Variants in SGCZ observed in about 807,000 individuals in gnomAD.
The protein encoded by SGCZ is sarcoglycan zeta, also known as zeta-sarcoglycan.
Under a neutral mutation model 41.3 loss-of-function variants are expected in SGCZ, and 40 were observed. The observed-to-expected ratio is 0.97, with a 90% CI of 0.75 to 1.26. The LOEUF (loss-of-function observed/expected upper bound fraction) is 1.26. SGCZ is among the 50% of genes most tolerant of loss of function. The pLI is 0.00. For synonymous variants in SGCZ, 206 were observed against 137.5 expected, an observed-to-expected ratio of 1.50 and a Z score of -3.49; for missense variants, 552 against 369.8, an observed-to-expected ratio of 1.49 and a Z score of -4.04.
intron 2 of SGCZ, among the ~76,000 whole-genome samples, chr8:14,518,931 T>C (rs1405535387): frequency 6.7e-6 from 1 of 148,290 alleles, no homozygotes; most frequent in Non-Finnish European, 1.5e-5. Context: ...TAGCCAGGTG[T>C]GGTAGCACAT....
intron 1 of SGCZ, among the ~76,000 whole-genome samples, chr8:14,566,591 G>C (rs1381407235): frequency 6.6e-6 from 1 of 152,232 alleles, no homozygotes; most frequent in South Asian, 2.1e-4. Flanking sequence ...GATGAAAAAG[G>C]AAAAGAGAAA....
At chr8:14,413,424 C>G (rs561206760) in intron 2 of SGCZ, among the ~76,000 whole-genome samples, 3 of 152,006 alleles carry the variant, frequency 2.0e-5, no homozygotes, top group African/African-American at 4.8e-5. Flanking sequence ...TTTCTTCTAT[C>G]TTTGCAAGGA....
At chr8:14,797,901 G>A (rs1296020659) in intron 1 of SGCZ, among the ~76,000 whole-genome samples, 2 of 152,224 alleles carry the variant, frequency 1.3e-5, no homozygotes, top group Admixed American at 6.5e-5. Context: ...CAGTTTACAC[G>A]TGGTGTTGAG....
At chr8:14,239,352 T>G (rs1333350015) in intron 3 of SGCZ, among the ~76,000 whole-genome samples, 1 of 152,008 alleles carries the variant, frequency 6.6e-6, no homozygotes, top group East Asian at 1.9e-4. Context: ...TTAAACACAT[T>G]TGAATATTTG....
At chr8:14,831,673 T>G (rs1802533714) in intron 1 of SGCZ, among the ~76,000 whole-genome samples, 1 of 151,998 alleles carries the variant, frequency 6.6e-6, no homozygotes, top group South Asian at 2.1e-4. Flanking sequence ...TACACTTGTC[T>G]CAGTATACAA....
At chr8:14,612,443 G>A (rs183113093) in intron 1 of SGCZ, among the ~76,000 whole-genome samples, 31 of 152,264 alleles carry the variant, frequency 2.0e-4, no homozygotes, top group Admixed American at 5.9e-4. Flanking sequence ...AAGGAAGTGT[G>A]AGTCAATTAA....
chr8:14,263,324 G>C (rs553369436), intron 3 of SGCZ, among the ~76,000 whole-genome samples: 1 of 152,114 alleles, frequency 6.6e-6, no homozygotes, highest in African/African-American at 2.4e-5. Context: ...TGATTCAGGC[G>C]GATCACTTGA....
At chr8:14,632,010 ATTATT>A (rs903487077) in intron 1 of SGCZ, among the ~76,000 whole-genome samples, 1 of 150,980 alleles carries the variant, frequency 6.6e-6, no homozygotes, top group Non-Finnish European at 1.5e-5. Flanking sequence ...TAGTGCTTAA[ATTATT>A]TTATTTTATT....
In SGCZ at chr8:14,629,805, T is replaced by C. The variant is rs73664414; in HGVS notation, c.40-74879A>G. ...TCATGTTAACTATTAATATGTAAAA[T>C]TGAGATGCTTCATGACTCAAAGAGC... On this transcript the variant is annotated intron_variant, in intron 1 of 7. Transcript: ENST00000382080. 2.4e-3 allele frequency among the ~76,000 whole-genome samples: 359 copies of C among 152,140 alleles called. 2 individuals are homozygous for C. The highest frequency in any genetic ancestry group is 8.1e-3 in the African/African-American group (338 of 41,532).
chr8:14,311,366 G>A (rs899948135), intron 3 of SGCZ, among the ~76,000 whole-genome samples: 9 of 152,102 alleles, frequency 5.9e-5, no homozygotes, highest in Non-Finnish European at 1.0e-4. Flanking sequence ...TTCTGCAGCT[G>A]AAGTACTACC....
chr8:14,838,542 G>C (rs918835638), intron 1 of SGCZ, among the ~76,000 whole-genome samples: 2 of 152,112 alleles, frequency 1.3e-5, no homozygotes, highest in Non-Finnish European at 1.5e-5. Context: ...TGTAGAACCT[G>C]TTGGAATTAC....
chr8:14,221,002 C>T (rs113660358), intron 4 of SGCZ, among the ~76,000 whole-genome samples: 1,264 of 108,806 alleles, frequency 0.012, 17 homozygotes, highest in African/African-American at 0.047. Flanking sequence ...ATTTGGTGTG[C>T]CTAATATAGA....
chr8:14,136,818 T>C (rs1803213542), intron 5 of SGCZ, among the ~76,000 whole-genome samples: 1 of 152,156 alleles, frequency 6.6e-6, no homozygotes, highest in Non-Finnish European at 1.5e-5. Flanking sequence ...ACCATGGAGT[T>C]TGAGATCTGA....
intron 6 of SGCZ, among the ~76,000 whole-genome samples, chr8:14,107,539 T>G (rs1802244468): frequency 6.6e-6 from 1 of 152,210 alleles, no homozygotes; most frequent in Non-Finnish European, 1.5e-5. Context: ...ATTTATAGCT[T>G]TCTCAGCGCC....
At chr8:15,170,826 T>C (rs971952390) in intron 1 of SGCZ, among the ~76,000 whole-genome samples, 1 of 152,216 alleles carries the variant, frequency 6.6e-6, no homozygotes, top group African/African-American at 2.4e-5. Flanking sequence ...ATGGACTATA[T>C]AAAATGAATG....
intron 2 of SGCZ, among the ~76,000 whole-genome samples, chr8:14,462,700 G>C (rs955788678): frequency 2.0e-5 from 3 of 151,494 alleles, no homozygotes; most frequent in African/African-American, 2.4e-5. Context: ...GTGCTCTTTG[G>C]GGTCCCAGGA....
At chr8:14,667,759 A>T (rs1025185081) in intron 1 of SGCZ, among the ~76,000 whole-genome samples, 10 of 152,222 alleles carry the variant, frequency 6.6e-5, no homozygotes, top group African/African-American at 2.2e-4. Flanking sequence ...AATGAATAAA[A>T]CATGGTCTCC....
chr8:14,247,294 C>T (rs977501985), intron 3 of SGCZ, among the ~76,000 whole-genome samples: 2 of 152,144 alleles, frequency 1.3e-5, no homozygotes, highest in African/African-American at 2.4e-5. Flanking sequence ...CTCTTTAAAG[C>T]TATACAGTAA....
chr8:14,986,954 GAAT>G (rs1191277151), intron 1 of SGCZ, among the ~76,000 whole-genome samples: 3 of 151,752 alleles, frequency 2.0e-5, no homozygotes, highest in Non-Finnish European at 4.4e-5. Context: ...TAAAGGAGGA[GAAT>G]AAAAATGGCT....
Sources: allele counts gnomAD v4.1 joint callset (sites outside exome capture counted in the v4.1 genomes callset), GRCh38; gene constraint gnomAD v4.1.1; transcripts MANE v1.5; gene names NCBI Gene and HGNC (gene_info 2026-07-23, HGNC 2026-07-21).